The following HECTD4 variants were observed in gnomAD, a reference collection of about 807,000 sequenced individuals.
The protein encoded by HECTD4 is HECT domain E3 ubiquitin protein ligase 4.
Under a neutral mutation model 471.5 loss-of-function variants are expected in HECTD4, and 114 were observed. The observed-to-expected ratio is 0.24, with a 90% CI of 0.21 to 0.28. The LOEUF is 0.28. Among genes scored for constraint, HECTD4 ranks in the 10% least tolerant of loss-of-function variants. HECTD4 has a pLI of 1.00. For missense variants in HECTD4, 3,866 were observed against 5,651.5 expected, an observed-to-expected ratio of 0.68 and a Z score of 10.13; for synonymous variants, 2,012 against 2,256.0, an observed-to-expected ratio of 0.89 and a Z score of 3.07.
intron 38 of HECTD4, among the ~76,000 whole-genome samples, chr12:112,231,978 G>T (rs558803855): frequency 1.3e-5 from 2 of 152,176 alleles, no homozygotes; most frequent in African/African-American, 4.8e-5. Flanking sequence ...ATTTCATTTT[G>T]CTTTTATCAG....
At chr12:112,360,864 A>T (rs1052422322) in intron 1 of HECTD4, among the ~76,000 whole-genome samples, 1 of 151,822 alleles carries the variant, frequency 6.6e-6, no homozygotes, top group Admixed American at 6.6e-5. Flanking sequence ...CATGCCTATA[A>T]TCCCAGTTAC....
chr12:112,231,406 T>C, intron 39 of HECTD4, 107 bp downstream of exon 39: 3 of 1,100,542 alleles, frequency 2.7e-6, no homozygotes, highest in Non-Finnish European at 4.1e-6. Flanking sequence ...GGCGGCCTCA[T>C]TTCCAAGAGG....
chr12:112,247,144 T>C, intron 28 of HECTD4, 68 bp from the exon 29 acceptor site: 3 of 1,270,482 alleles, frequency 2.4e-6, no homozygotes, highest in East Asian at 2.5e-5. Flanking sequence ...TAAAAAAAAA[T>C]GTTTACAAAG....
At chr12:112,300,763 A>T (rs2035146416) in intron 7 of HECTD4, among the ~76,000 whole-genome samples, 1 of 152,124 alleles carries the variant, frequency 6.6e-6, no homozygotes, top group Non-Finnish European at 1.5e-5. Flanking sequence ...ATGCCTGCAT[A>T]ATCTAAAAAA....
At chr12:112,334,626 T>A (rs1862835754) in intron 1 of HECTD4, among the ~76,000 whole-genome samples, 1 of 113,250 alleles carries the variant, frequency 8.8e-6, no homozygotes, top group Admixed American at 1.1e-4. Flanking sequence ...CCCCTGTCTC[T>A]ACTAAAAATA....
chr12:112,364,616 C>G (rs2036524600), intron 1 of HECTD4, among the ~76,000 whole-genome samples: 1 of 151,552 alleles, frequency 6.6e-6, no homozygotes, highest in Non-Finnish European at 1.5e-5. Flanking sequence ...GTAGCCCCAG[C>G]TACTCTAGAG....
chr12:112,333,036 T>C (rs2135717245), intron 1 of HECTD4, among the ~76,000 whole-genome samples: 1 of 152,366 alleles, frequency 6.6e-6, no homozygotes, highest in Admixed American at 6.5e-5. Flanking sequence ...GTGTCAATAT[T>C]TCATTCCTTT....
At chr12:112,335,779 A>T (rs550680040) in intron 1 of HECTD4, among the ~76,000 whole-genome samples, 15 of 152,180 alleles carry the variant, frequency 9.9e-5, no homozygotes, top group Non-Finnish European at 2.1e-4. Context: ...GAACTTACTC[A>T]TGGAACCAAG....
chr12:112,223,504 C>T (rs1447926661), intron 44 of HECTD4, among the ~76,000 whole-genome samples: 1 of 152,188 alleles, frequency 6.6e-6, no homozygotes, highest in Non-Finnish European at 1.5e-5. Flanking sequence ...ATGGCAACCT[C>T]CACCTCCTGG....
chr12:112,167,788 G>C (rs771421381), intron 71 of HECTD4, 26 bp downstream of exon 71: 1 of 1,591,560 alleles, frequency 6.3e-7, no homozygotes, highest in South Asian at 1.1e-5. Flanking sequence ...TCGGGGGCGT[G>C]GAGCCTCCTC....
intron 25 of HECTD4, chr12:112,249,912 A>C: frequency 1.9e-6 from 1 of 540,342 alleles, no homozygotes; most frequent in African/African-American, 1.9e-5. Flanking sequence ...GGGTCCAAGA[A>C]CCAACAAGTT....
chr12:112,197,926 C>T (rs1237531224), intron 55 of HECTD4, among the ~76,000 whole-genome samples: 5 of 152,200 alleles, frequency 3.3e-5, no homozygotes, highest in Non-Finnish European at 7.3e-5. Context: ...ACCTCTGCCT[C>T]CTGGGATCAA....
Position 112,258,486 on chromosome 12 carries a change from C to T in HECTD4, c.3128+10G>A. The T allele has an allele frequency of 6.4e-7, 1 of 1,555,058 alleles. No individual in the cohort carries two copies. Among genetic ancestry groups the T allele is most frequent in the Non-Finnish European group, 8.7e-7 (1 of 1,153,620 alleles). On this transcript the variant is annotated intron_variant, in intron 20 of 75. Coordinates refer to ENST00000682272, the MANE Select transcript of HECTD4 (RefSeq NM_001388303.1). ...GAAAAGGGTTCCTGCAAGGAAGCAG[C>T]ATTCATTACCTCTCATCAGGGAACA... is the stretch of plus-strand genomic sequence containing the variant.
Position 112,175,798 on chromosome 12 carries a change from C to T in HECTD4, c.11532G>A (p.Arg3844=), listed in dbSNP as rs568489250. ...CCCTCCAGACGCTACGGATATCTTGCCTGGCTCGGTCAATAACAAATTTGT... is the reference window on the plus strand; with the variant it reads ...CCCTCCAGACGCTACGGATATCTTGTCTGGCTCGGTCAATAACAAATTTGT... ...GFHKFVIDRA[R]QDIRSVWRAI... is the part of the protein sequence containing the mutation. The change falls in exon 66 of 76, where the codon AGG becomes AGA. Residue 3844 remains arginine (R), a synonymous_variant. Coordinates refer to ENST00000682272, the MANE Select transcript of HECTD4 (RefSeq NM_001388303.1). 12 of 1,613,472 alleles carry T rather than the reference C, an allele frequency of 7.4e-6. No individual in the cohort carries two copies. The South Asian group carries it at 1.3e-4, about 18-fold the overall frequency.
intron 1 of HECTD4, among the ~76,000 whole-genome samples, chr12:112,363,378 C>T (rs2036494439): frequency 6.6e-6 from 1 of 151,974 alleles, no homozygotes; most frequent in Admixed American, 6.6e-5. Flanking sequence ...GCTGGGATTA[C>T]AGGCATGAGC....
chr12:112,167,342 T>C lies in HECTD4; in HGVS notation c.12509A>G (p.Tyr4170Cys). 4 of 1,613,078 alleles carry C rather than the reference T, an allele frequency of 2.5e-6. No individual in the cohort carries two copies. The highest frequency in any genetic ancestry group is 3.4e-6 in the Non-Finnish European group (4 of 1,179,440). ...GCTCTCAAACTTCTTGACGTAATTG[T>C]AGGTGAGGATATCCGCTTCCTGCAG... ...QDLQEADILT[Y>C]NYVKKFESIN... The change falls in exon 72 of 76, where the codon TAC (tyrosine) becomes TGC (cysteine). Residue 4170 changes from tyrosine (Y) to cysteine (C), a missense_variant. Tyr to Cys is a radical substitution (Grantham distance 194, BLOSUM62 -2). Coordinates refer to ENST00000682272, the MANE Select transcript of HECTD4 (RefSeq NM_001388303.1).
intron 17 of HECTD4, chr12:112,262,224 G>T (rs2034161044): frequency 6.6e-6 from 1 of 152,022 alleles, no homozygotes; most frequent in South Asian, 2.1e-4. Context: ...AATTTACTAA[G>T]GCTAGGCCGG....
At chr12:112,373,366 C>G (rs1383129708) in intron 1 of HECTD4, among the ~76,000 whole-genome samples, 1 of 152,040 alleles carries the variant, frequency 6.6e-6, no homozygotes, top group Non-Finnish European at 1.5e-5. Context: ...AACCCCGTCT[C>G]TACTAAAAAT....
intron 38 of HECTD4, among the ~76,000 whole-genome samples, chr12:112,232,297 A>G (rs1387095104): frequency 2.6e-5 from 4 of 152,062 alleles, no homozygotes; most frequent in Non-Finnish European, 5.9e-5. Flanking sequence ...CGTCTGGCTA[A>G]TTTTTGTATT....
Sources: allele counts gnomAD v4.1 joint callset (sites outside exome capture counted in the v4.1 genomes callset), GRCh38; gene constraint gnomAD v4.1.1; transcripts MANE v1.5; gene names NCBI Gene and HGNC (gene_info 2026-07-23, HGNC 2026-07-21).